UBE2E1: variants seen among roughly 807,000 people sequenced by gnomAD.
The protein encoded by UBE2E1 is ubiquitin-conjugating enzyme E2 E1.
In UBE2E1, 6 loss-of-function variants were observed where a neutral mutation model predicts 21.4. The ratio of observed to expected loss-of-function variants is 0.28; its 90% CI spans 0.15 to 0.55. UBE2E1 has a LOEUF of 0.55. Ranked by LOEUF, UBE2E1 falls within the 20% of genes least tolerant of loss-of-function variation. UBE2E1 has a pLI of 0.93. For missense variants in UBE2E1, 142 were observed against 236.5 expected, an observed-to-expected ratio of 0.60 and a Z score of 2.62; for synonymous variants, 87 against 82.7, an observed-to-expected ratio of 1.05 and a Z score of -0.28.
At position 23,876,409 on chromosome 3, in the gene UBE2E1, G is replaced by A. The variant is rs1700914907; in HGVS notation, c.204-11158G>A. Among the ~76,000 whole-genome samples, 1 of 152,146 alleles carries A rather than the reference G, an allele frequency of 6.6e-6. No homozygotes were observed. The highest frequency in any genetic ancestry group is 1.5e-5 in the Non-Finnish European group (1 of 68,036). ...TACTGTTTTATGAAGGGGTGCTGAG[G>A]GTAAGAATGTACCAAGTAGATCTCA... is the stretch of plus-strand genomic sequence containing the variant. On this transcript the variant is annotated intron_variant, in intron 3 of 5. Transcript: ENST00000306627. The surrounding 1 kb of genome is among the most constrained non-coding windows in gnomAD (Gnocchi z 4.3).
At chr3:23,822,763 A>G (rs1699670824) in intron 3 of UBE2E1, among the ~76,000 whole-genome samples, 1 of 152,172 alleles carries the variant, frequency 6.6e-6, no homozygotes, top group African/African-American at 2.4e-5. Context: ...TGAGTTGGAT[A>G]TATGTATTTA....
intron 3 of UBE2E1, among the ~76,000 whole-genome samples, chr3:23,882,264 G>C (rs573341536): frequency 6.7e-6 from 1 of 149,928 alleles, no homozygotes; most frequent in Admixed American, 6.6e-5. Flanking sequence ...GCTTTGACAG[G>C]GTGCTGATTG....
chr3:23,851,449 A>G (rs1039290741), intron 3 of UBE2E1, among the ~76,000 whole-genome samples: 3 of 151,984 alleles, frequency 2.0e-5, no homozygotes, highest in African/African-American at 7.3e-5. Flanking sequence ...TAAACAGTCC[A>G]GCTGGGGTTT....
At chr3:23,841,284 C>T (rs1575822950) in intron 3 of UBE2E1, among the ~76,000 whole-genome samples, 1 of 151,896 alleles carries the variant, frequency 6.6e-6, no homozygotes, top group African/African-American at 2.4e-5. Context: ...ATTTAAAATT[C>T]ATCTTGGCAT....
Position 23,806,568 on chromosome 3 carries a change from T to C in UBE2E1, c.-34+480T>C, listed in dbSNP as rs1198507390. ...ACAGGAGTGGCGATCGGGCGTGTGC[T>C]CCGGACCCCCGCCCGGCCGCATAGC... On this transcript the variant is annotated intron_variant, in intron 1 of 5. Coordinates refer to ENST00000306627, the MANE Select transcript of UBE2E1 (RefSeq NM_003341.5). This position sits in a 1 kb window ranked among gnomAD's most constrained non-coding sequence, Gnocchi z 6.5. Among the ~76,000 whole-genome samples the C allele has an allele frequency of 4.1e-5, 6 of 148,026 alleles. No individual in the cohort carries two copies. Among genetic ancestry groups the C allele is most frequent in the African/African-American group, 1.5e-4 (6 of 39,800 alleles).
chr3:23,887,537 T>C lies in UBE2E1; in HGVS notation c.204-30T>C. The C allele has an allele frequency of 1.9e-6, 3 of 1,589,646 alleles. No individual in the cohort carries two copies. The highest frequency in any genetic ancestry group is 2.6e-6 in the Non-Finnish European group (3 of 1,171,882). On this transcript the variant is annotated intron_variant, in intron 3 of 5. Coordinates refer to ENST00000306627, the MANE Select transcript of UBE2E1 (RefSeq NM_003341.5). This position sits in a 1 kb window ranked among gnomAD's most constrained non-coding sequence, Gnocchi z 4.4. Reference sequence around the variant, plus strand: ...TGTAAAAATTGGGATAGTGCCACCATCTGCTTATTTGTTGACGTATTATTC... The same window carrying C: ...TGTAAAAATTGGGATAGTGCCACCACCTGCTTATTTGTTGACGTATTATTC...
chr3:23,839,860 C>T (rs1700048678), intron 3 of UBE2E1, among the ~76,000 whole-genome samples: 1 of 152,114 alleles, frequency 6.6e-6, no homozygotes, highest in African/African-American at 2.4e-5. Flanking sequence ...TTAAGAATTA[C>T]TCTTTATCAC....
chr3:23,881,389 C>G (rs1289091183), intron 3 of UBE2E1, among the ~76,000 whole-genome samples: 1 of 152,174 alleles, frequency 6.6e-6, no homozygotes, highest in Non-Finnish European at 1.5e-5. Context: ...AAACCTTAAA[C>G]CTCTGTGTAG....
intron 3 of UBE2E1, among the ~76,000 whole-genome samples, chr3:23,845,561 TTCTCTC>T (rs144798695): frequency 1.8e-4 from 25 of 137,004 alleles, no homozygotes; most frequent in East Asian, 4.2e-4. Context: ...CTGTTTTGGT[TTCTCTC>T]TCTCTCTCTC....
intron 3 of UBE2E1, among the ~76,000 whole-genome samples, chr3:23,811,911 ATTAGAG>A (rs1056654369): frequency 7.2e-5 from 11 of 152,340 alleles, no homozygotes; most frequent in African/African-American, 1.2e-4. Context: ...CTAAGAGAAC[ATTAGAG>A]TTAAACACTG....
intron 3 of UBE2E1, among the ~76,000 whole-genome samples, chr3:23,858,688 T>C (rs554179004): frequency 6.6e-6 from 1 of 152,318 alleles, no homozygotes; most frequent in South Asian, 2.1e-4. Flanking sequence ...AAAAATGTAA[T>C]GCTTTCTCTT....
At chr3:23,825,737 G>C (rs1699743987) in intron 3 of UBE2E1, among the ~76,000 whole-genome samples, 1 of 152,190 alleles carries the variant, frequency 6.6e-6, no homozygotes, top group South Asian at 2.1e-4. Flanking sequence ...GCTGGACATA[G>C]TGAATGAGGG....
intron 3 of UBE2E1, chr3:23,866,573 A>G (rs964824777): frequency 6.6e-6 from 1 of 152,198 alleles, no homozygotes; most frequent in African/African-American, 2.4e-5. Context: ...GCTTAGGGGC[A>G]TAACGTTTGG....
intron 2 of UBE2E1, among the ~76,000 whole-genome samples, chr3:23,809,160 G>C (rs867060048): frequency 1.3e-5 from 2 of 152,158 alleles, no homozygotes; most frequent in Non-Finnish European, 2.9e-5. Flanking sequence ...TAACATCAGG[G>C]CTTTTGTTTT....
intron 3 of UBE2E1, among the ~76,000 whole-genome samples, chr3:23,825,986 G>C (rs1423838136): frequency 1.3e-5 from 2 of 152,134 alleles, no homozygotes; most frequent in Admixed American, 6.5e-5. Flanking sequence ...GCTGTGGTGT[G>C]TACTATGATT....
chr3:23,809,833 C>G (rs761494393), intron 2 of UBE2E1, among the ~76,000 whole-genome samples: 1 of 152,190 alleles, frequency 6.6e-6, no homozygotes, highest in Admixed American at 6.5e-5. Flanking sequence ...ATTTTCCAAA[C>G]TTTGAGTCTA....
intron 3 of UBE2E1, among the ~76,000 whole-genome samples, chr3:23,873,733 G>A (rs1008033910): frequency 6.6e-6 from 1 of 152,192 alleles, no homozygotes; most frequent in African/African-American, 2.4e-5. Flanking sequence ...GCGACAGAGC[G>A]AGACTCCGTC....
chr3:23,818,428 A>G (rs545103548), intron 3 of UBE2E1, among the ~76,000 whole-genome samples: 11 of 152,316 alleles, frequency 7.2e-5, no homozygotes, highest in African/African-American at 1.7e-4. Flanking sequence ...GGGAAGGACA[A>G]TGATTTCTGT....
rs1443993646 is a variant in UBE2E1 at position 23,887,871 on chromosome 3, G to T, written c.336+172G>T. On this transcript the variant is annotated intron_variant, in intron 4 of 5. Transcript: ENST00000306627. This position sits in a 1 kb window ranked among gnomAD's most constrained non-coding sequence, Gnocchi z 4.4. ...TCTTTAGGTTGATTTTGCCTTATCT[G>T]GCAGAGACCATTCTAGGATTAAGTG... is the stretch of plus-strand genomic sequence containing the variant. 3.2e-5 allele frequency: 27 copies of T among 843,540 alleles called. No homozygotes were observed. Among genetic ancestry groups the T allele is most frequent in the Non-Finnish European group, 4.7e-5 (27 of 570,342 alleles). 52.3% of individuals were successfully genotyped at this position (843,540 alleles called of 1,614,324 possible).
Sources: allele counts gnomAD v4.1 joint callset (sites outside exome capture counted in the v4.1 genomes callset), GRCh38; gene constraint gnomAD v4.1.1; non-coding constraint Gnocchi (gnomAD v3.1); transcripts MANE v1.5; gene names NCBI Gene and HGNC (gene_info 2026-07-23, HGNC 2026-07-21).